The following GBE1 variants were observed in gnomAD, a reference collection of about 807,000 sequenced individuals.
GBE1 encodes 1,4-alpha-glucan-branching enzyme.
Under a neutral mutation model 88.8 loss-of-function variants are expected in GBE1, and 70 were observed. The observed-to-expected ratio is 0.79, with a 90% CI of 0.65 to 0.96. The LOEUF (loss-of-function observed/expected upper bound fraction) is 0.96, where lower values mean the gene tolerates loss of function less well. Among genes scored for constraint, GBE1 ranks in the 40% least tolerant of loss-of-function variants. The pLI, the probability that GBE1 is intolerant of heterozygous loss-of-function variation, is 0.00. For synonymous variants in GBE1, 284 were observed against 300.1 expected (o/e 0.95, Z 0.56); for missense variants, 872 against 871.0 (o/e 1.00, Z -0.01).
At chr3:81,537,617 A>G (rs1703094875) in intron 12 of GBE1, among the ~76,000 whole-genome samples, 2 of 152,074 alleles carry the variant, frequency 1.3e-5, no homozygotes, top group African/African-American at 4.8e-5. Context: ...GAAAGCAACC[A>G]TTAAAATTGA....
At chr3:81,589,507 T>G (rs2106949873) in intron 9 of GBE1, among the ~76,000 whole-genome samples, 1 of 151,746 alleles carries the variant, frequency 6.6e-6, no homozygotes, top group Non-Finnish European at 1.5e-5. Flanking sequence ...AGGCACATCT[T>G]TTTTTAAAAA....
At chr3:81,505,842 C>T (rs180873251) in intron 14 of GBE1, among the ~76,000 whole-genome samples, 30 of 152,128 alleles carry the variant, frequency 2.0e-4, no homozygotes, top group Admixed American at 8.5e-4. Flanking sequence ...AAGCAGTCAT[C>T]ATTAAAAATG....
intron 12 of GBE1, among the ~76,000 whole-genome samples, chr3:81,545,126 T>C (rs970802010): frequency 2.0e-5 from 3 of 152,170 alleles, no homozygotes; most frequent in Non-Finnish European, 4.4e-5. Flanking sequence ...TAAAATGAAA[T>C]TCTTTGGCTT....
intron 6 of GBE1, among the ~76,000 whole-genome samples, chr3:81,645,913 T>C (rs1379792705): frequency 6.6e-6 from 1 of 152,220 alleles, no homozygotes; most frequent in Non-Finnish European, 1.5e-5. Flanking sequence ...AGCACCTCTT[T>C]AATTGCATAG....
At chr3:81,546,680 C>T (rs1703208223) in intron 12 of GBE1, among the ~76,000 whole-genome samples, 1 of 151,514 alleles carries the variant, frequency 6.6e-6, no homozygotes, top group African/African-American at 2.4e-5. Flanking sequence ...CAGGAAGTTA[C>T]CCTCTATGGT....
At chr3:81,747,306 AAGCC>A (rs1575775824) in intron 1 of GBE1, among the ~76,000 whole-genome samples, 1 of 152,348 alleles carries the variant, frequency 6.6e-6, no homozygotes, top group East Asian at 1.9e-4. Flanking sequence ...ATAGAAAGAC[AAGCC>A]ACAGACAGAA....
At chr3:81,536,804 T>C (rs904939336) in intron 13 of GBE1, 107 bp downstream of exon 13, 13 of 818,266 alleles carry the variant, frequency 1.6e-5, no homozygotes, top group Middle Eastern at 3.6e-4. Flanking sequence ...AGACACTGAA[T>C]AATAAATTGC....
At chr3:81,508,001 A>G (rs1702676881) in intron 14 of GBE1, among the ~76,000 whole-genome samples, 1 of 152,182 alleles carries the variant, frequency 6.6e-6, no homozygotes, top group Non-Finnish European at 1.5e-5. Flanking sequence ...GCAATAAGAC[A>G]AGCTCAAAGG....
At chr3:81,571,897 T>C (rs1186685668) in intron 12 of GBE1, among the ~76,000 whole-genome samples, 1 of 152,184 alleles carries the variant, frequency 6.6e-6, no homozygotes, top group Non-Finnish European at 1.5e-5. Flanking sequence ...AATCTAAAGG[T>C]TATTTTTAAA....
chr3:81,638,486 A>G (rs990861276), intron 7 of GBE1, among the ~76,000 whole-genome samples: 2 of 152,168 alleles, frequency 1.3e-5, no homozygotes, highest in Non-Finnish European at 2.9e-5. Flanking sequence ...GTAGTGCCAG[A>G]GGAATATGCA....
At chr3:81,529,837 T>A (rs1013577035) in intron 14 of GBE1, among the ~76,000 whole-genome samples, 1 of 152,004 alleles carries the variant, frequency 6.6e-6, no homozygotes, top group African/African-American at 2.4e-5. Flanking sequence ...CTTCTTGTCC[T>A]TGAGTATTGA....
intron 2 of GBE1, among the ~76,000 whole-genome samples, chr3:81,704,503 C>T (rs1705744271): frequency 6.6e-6 from 1 of 152,004 alleles, no homozygotes; most frequent in African/African-American, 2.4e-5. Context: ...CCCACCACCC[C>T]AACCCCTGAC....
intron 2 of GBE1, 132 bp from the exon 3 acceptor site, chr3:81,671,085 TAATC>T: frequency 2.2e-6 from 1 of 458,838 alleles, no homozygotes; most frequent in East Asian, 3.6e-5. Flanking sequence ...TCTGAAGTGT[TAATC>T]AAAATACTAG....
chr3:81,678,948 G>T (rs1247143906), intron 2 of GBE1, among the ~76,000 whole-genome samples: 4 of 152,072 alleles, frequency 2.6e-5, no homozygotes, highest in African/African-American at 9.7e-5. Context: ...AACATCTACT[G>T]ATAGTAGGAA....
intron 1 of GBE1, among the ~76,000 whole-genome samples, chr3:81,717,079 C>T (rs1324777331): frequency 6.6e-6 from 1 of 152,216 alleles, no homozygotes; most frequent in Non-Finnish European, 1.5e-5. Flanking sequence ...GTCTTTGCTA[C>T]ATGCTCTGCT....
rs1453610242 is a variant in GBE1 at position 81,536,874 on chromosome 3, G to A, written c.1803+37C>T. 2.7e-6 allele frequency: 4 copies of A among 1,500,096 alleles called. No individual in the cohort carries two copies. In the South Asian group the frequency reaches 5.2e-5, roughly 20 times the overall value. The allele number at this position is 1,500,096 out of a possible 1,614,324, so 92.9% of individuals were successfully genotyped here. ...TGCCATTCTAGGCATGTACCTCATT[G>A]GTGACTAAAACACAGCATCCAGAGT... On this transcript the variant is annotated intron_variant, in intron 13 of 15. Coordinates refer to ENST00000429644, the MANE Select transcript of GBE1 (RefSeq NM_000158.4).
chr3:81,743,768 G>A (rs559214326), intron 1 of GBE1: 19 of 542,734 alleles, frequency 3.5e-5, no homozygotes, highest in Admixed American at 2.6e-4. Context: ...TTTATAGGAC[G>A]GACATGATGC....
chr3:81,638,004 G>A (rs1356653128), intron 7 of GBE1, among the ~76,000 whole-genome samples: 2 of 152,006 alleles, frequency 1.3e-5, no homozygotes, highest in Admixed American at 6.6e-5. Context: ...AATTACCTCA[G>A]ATACAAAAAT....
At chr3:81,515,391 T>C (rs1053875606) in intron 14 of GBE1, among the ~76,000 whole-genome samples, 1 of 151,500 alleles carries the variant, frequency 6.6e-6, no homozygotes, top group African/African-American at 2.4e-5. Context: ...CTATTGTAAT[T>C]GTTTTGGGGC....
Sources: allele counts gnomAD v4.1 joint callset (sites outside exome capture counted in the v4.1 genomes callset), GRCh38; gene constraint gnomAD v4.1.1; transcripts MANE v1.5; gene names NCBI Gene and HGNC (gene_info 2026-07-23, HGNC 2026-07-21).